The following DCUN1D2 variants were observed in gnomAD, a reference collection of about 807,000 sequenced individuals.
DCUN1D2 encodes the protein DCN1-like protein 2.
Under a neutral mutation model 30.9 loss-of-function variants are expected in DCUN1D2, and 29 were observed. The observed-to-expected ratio is 0.94, with a 90% CI of 0.70 to 1.28. The LOEUF (loss-of-function observed/expected upper bound fraction) is 1.28. Ranked by LOEUF, DCUN1D2 falls within the 50% of genes most tolerant of loss-of-function variation. The probability of loss-of-function intolerance (pLI) is 0.00; values close to 1 mark genes in which losing one functional copy is unlikely to be tolerated. For missense variants in DCUN1D2, 325 were observed against 316.9 expected, an observed-to-expected ratio of 1.03 and a Z score of -0.19; for synonymous variants, 121 against 115.3, an observed-to-expected ratio of 1.05 and a Z score of -0.32.
At position 113,480,436 on chromosome 13, in the gene DCUN1D2, G is replaced by C. The variant is rs1594120447; in HGVS notation, c.389+139C>G. 5 of 705,612 alleles carry C rather than the reference G, an allele frequency of 7.1e-6. No individual in the cohort carries two copies. The East Asian group carries it at 1.2e-4, about 16-fold the overall frequency. The allele number at this position is 705,612 out of a possible 1,614,324, so 43.7% of individuals were successfully genotyped here. A position where few individuals can be genotyped will look rare whatever the true frequency, so the allele number is the denominator to read the frequency against. On this transcript the variant is annotated intron_variant, in intron 3 of 6. Coordinates refer to ENST00000478244, the MANE Select transcript of DCUN1D2 (RefSeq NM_001014283.2). ...GAAACCAAAGGCTTGATAGTGCGGA[G>C]AGTACAGACGCATAAGAAATTTTAA...
chr13:113,462,885 G>A, intron 4 of DCUN1D2: 1 of 1,255,990 alleles, frequency 8.0e-7, no homozygotes, highest in East Asian at 5.6e-5. Flanking sequence ...GAGAAATGGA[G>A]GTGAACCTGG....
chr13:113,474,899 T>C (rs2044587544), intron 3 of DCUN1D2, among the ~76,000 whole-genome samples: 1 of 152,220 alleles, frequency 6.6e-6, no homozygotes, highest in African/African-American at 2.4e-5. Context: ...AGATTTAAAA[T>C]ATCCAGGTAT....
rs2044507509 is a variant in DCUN1D2, at chr13:113,471,209, AGACCCAACTCCACAGGG to A, written c.520+2898_520+2914del. Among the ~76,000 whole-genome samples, 3 of 135,666 alleles carry A rather than the reference AGACCCAACTCCACAGGG, an allele frequency of 2.2e-5. No homozygotes were observed. The East Asian group carries it at 6.9e-4, about 31-fold the overall frequency. The allele number at this position is 135,666 out of a possible 152,430, so 89.0% of individuals were successfully genotyped here. On this transcript the variant is annotated intron_variant, in intron 4 of 6. Coordinates refer to ENST00000478244, the MANE Select transcript of DCUN1D2 (RefSeq NM_001014283.2). ...TCCACAGGGGACCCAACTCCACAGA[AGACCCAACTCCACAGGG>A]GACCCAACTCCACAGAAGACCCAAC...
intron 4 of DCUN1D2, chr13:113,462,888 G>A: frequency 8.0e-7 from 1 of 1,252,942 alleles, no homozygotes; most frequent in South Asian, 1.4e-5. Context: ...AAATGGAGGT[G>A]AACCTGGGGA....
intron 4 of DCUN1D2, among the ~76,000 whole-genome samples, chr13:113,468,089 A>C (rs2044437691): frequency 6.6e-6 from 1 of 151,966 alleles, no homozygotes. Context: ...GGTCTAAAAC[A>C]GATACGTGTA....
chr13:113,483,953 C>T lies in DCUN1D2; in HGVS notation c.107G>A (p.Arg36Lys), dbSNP rs140754473. ...GAAGCTGTCCGTGGCCTCGTCTAGT[C>T]TCCACTCATTCTGCGTTAAGCAGTA... The part of the protein sequence containing the change: ...AIYCLTQNEW[R>K]LDEATDSFFQ... Residue 36 changes from arginine to lysine, a missense_variant, in exon 2 of 7, where the codon AGA becomes AAA. Physicochemically the swap from Arg to Lys is conservative, Grantham distance 26. Transcript: ENST00000478244. The T allele has an allele frequency of 1.4e-4, 218 of 1,614,204 alleles. 1 individual carries two copies. The African/African-American group carries it at 2.5e-3, about 19-fold the overall frequency.
At chr13:113,478,381 T>C (rs963705835) in intron 3 of DCUN1D2, among the ~76,000 whole-genome samples, 10 of 152,140 alleles carry the variant, frequency 6.6e-5, no homozygotes, top group Non-Finnish European at 1.3e-4. Context: ...GTCCCCCTTT[T>C]CATCTACGTA....
At chr13:113,480,012 C>G (rs954453226) in intron 3 of DCUN1D2, among the ~76,000 whole-genome samples, 1 of 152,026 alleles carries the variant, frequency 6.6e-6, no homozygotes, top group African/African-American at 2.4e-5. Flanking sequence ...CACTGTTGAC[C>G]GAAATGTCAT....
rs528467675 is a variant in DCUN1D2 at position 113,480,714 on chromosome 13, C to T, written c.250G>A (p.Asp84Asn). 7.4e-6 allele frequency: 12 copies of T among 1,613,996 alleles called. No homozygotes were observed. Among genetic ancestry groups the T allele is most frequent in the African/African-American group, 4.0e-5 (3 of 75,034 alleles). ...TCATCACAAAACTGTTGAATCCCAT[C>T]GACTCCAATTTTGTTTTCATCTTGT... ...DPQDENKIGV[D>N]GIQQFCDDLS... is the part of the protein sequence containing the mutation. Residue 84 changes from aspartate (D) to asparagine (N), a missense_variant, in exon 3 of 7, where the codon GAT (aspartate) becomes AAT (asparagine). Asp to Asn is a conservative substitution (Grantham distance 23). Coordinates refer to ENST00000478244, the MANE Select transcript of DCUN1D2 (RefSeq NM_001014283.2).
At chr13:113,459,260 G>T in intron 6 of DCUN1D2, 52 bp downstream of exon 6, 1 of 994,270 alleles carries the variant, frequency 1.0e-6, no homozygotes, top group East Asian at 2.4e-5. Flanking sequence ...AGAAGTTAAC[G>T]TTCTCAGGTG....
At chr13:113,490,725 C>A, upstream of DCUN1D2, 1 of 1,180,876 alleles carries the variant, frequency 8.5e-7, no homozygotes, top group South Asian at 3.7e-5. The surrounding 1 kb of genome is among the most constrained non-coding windows in gnomAD (Gnocchi z 5.2). Context: ...GGCGCGGCGG[C>A]GGCTCCGCCC....
chr13:113,479,798 A>G (rs1202857450), intron 3 of DCUN1D2, among the ~76,000 whole-genome samples: 1 of 152,232 alleles, frequency 6.6e-6, no homozygotes, highest in Non-Finnish European at 1.5e-5. Context: ...AGCTAGTAAC[A>G]TAAGCCTTTA....
intron 3 of DCUN1D2, chr13:113,476,140 G>C (rs970742704): frequency 4.6e-5 from 7 of 152,120 alleles, no homozygotes; most frequent in Non-Finnish European, 1.0e-4. Flanking sequence ...TGAACATTCC[G>C]GCTGTTTCTA....
In DCUN1D2 at chr13:113,456,388, G is replaced by A; in HGVS notation, c.*1641C>T. 1 of 398,860 alleles carries A rather than the reference G, an allele frequency of 2.5e-6. No individual in the cohort carries two copies. The highest frequency in any genetic ancestry group is 4.4e-6 in the Non-Finnish European group (1 of 226,230). 24.7% of individuals were successfully genotyped at this position (398,860 alleles called of 1,614,324 possible). A position where few individuals can be genotyped will look rare whatever the true frequency, so the allele number is the denominator to read the frequency against. On this transcript the variant is annotated 3_prime_UTR_variant, in exon 7 of 7. Transcript: ENST00000478244. ...GCAGCCTCCAAGCACACTAACCTCA[G>A]CCATCAGATGTTCCTGAAGCCCAGG... is the stretch of plus-strand genomic sequence containing the variant.
At chr13:113,462,587 C>A (rs1338677599) in intron 4 of DCUN1D2, among the ~76,000 whole-genome samples, 3 of 151,998 alleles carry the variant, frequency 2.0e-5, no homozygotes, top group Non-Finnish European at 2.9e-5. Context: ...GTAGCAAATC[C>A]CACTTTAAAT....
At chr13:113,484,108 C>T (rs764633924) in intron 1 of DCUN1D2, 52 bp from the exon 2 acceptor site, 1 of 1,605,708 alleles carries the variant, frequency 6.2e-7, no homozygotes, top group South Asian at 1.1e-5. Flanking sequence ...CCAGGTTTGT[C>T]CCAGCTTTAG....
intron 1 of DCUN1D2, among the ~76,000 whole-genome samples, chr13:113,486,330 A>G (rs1485123175): frequency 1.3e-5 from 2 of 152,186 alleles, no homozygotes; most frequent in Non-Finnish European, 2.9e-5. Flanking sequence ...AAGGACCAAC[A>G]GACACCAGGG....
intron 4 of DCUN1D2, among the ~76,000 whole-genome samples, chr13:113,467,455 G>A (rs1288167123): frequency 2.7e-5 from 4 of 150,214 alleles, no homozygotes; most frequent in African/African-American, 9.9e-5. Flanking sequence ...TTTACCTATT[G>A]TTTTCAGAGT....
chr13:113,467,186 C>T (rs7338449), intron 4 of DCUN1D2, among the ~76,000 whole-genome samples: 34,095 of 152,052 alleles, frequency 0.22, 4,630 homozygotes, highest in African/African-American at 0.36. Flanking sequence ...GTGATGAAGA[C>T]CAGCCAGTTT....
Sources: allele counts gnomAD v4.1 joint callset (sites outside exome capture counted in the v4.1 genomes callset), GRCh38; gene constraint gnomAD v4.1.1; non-coding constraint Gnocchi (gnomAD v3.1); transcripts MANE v1.5; gene names NCBI Gene and HGNC (gene_info 2026-07-23, HGNC 2026-07-21).